The following ZZEF1 variants were observed in gnomAD, a reference collection of about 807,000 sequenced individuals.
ZZEF1 encodes zinc finger ZZ-type and EF-hand domain-containing protein 1.
In ZZEF1, 157 loss-of-function variants were observed where a neutral mutation model predicts 342.8. The ratio of observed to expected loss-of-function variants is 0.46; its 90% CI spans 0.40 to 0.52. The LOEUF is 0.52. ZZEF1 is among the 20% of genes least tolerant of loss of function. ZZEF1 has a pLI of 0.00. For synonymous variants in ZZEF1, 1,505 were observed against 1,429.1 expected (o/e 1.05, Z -1.20); for missense variants, 3,480 against 3,725.6 (o/e 0.93, Z 1.72).
chr17:4,067,246 G>C lies in ZZEF1; in HGVS notation c.4076-4C>G. Reference sequence around the variant, plus strand: ...GCTATTTTGCCCCCACTGTTGACTGGGGAGAGAAGCAGAGATGGAGATTAC... The same window carrying C: ...GCTATTTTGCCCCCACTGTTGACTGCGGAGAGAAGCAGAGATGGAGATTAC... On this transcript the variant is annotated splice_region_variant and splice_polypyrimidine_tract_variant and intron_variant, in intron 26 of 54. Coordinates refer to ENST00000381638, the MANE Select transcript of ZZEF1 (RefSeq NM_015113.4). The C allele has an allele frequency of 6.2e-7, 1 of 1,611,068 alleles. No individual in the cohort carries two copies. Among genetic ancestry groups the C allele is most frequent in the Non-Finnish European group, 8.5e-7 (1 of 1,178,682 alleles).
At chr17:4,129,030 G>C (rs1485454591) in intron 1 of ZZEF1, among the ~76,000 whole-genome samples, 2 of 152,062 alleles carry the variant, frequency 1.3e-5, no homozygotes, top group African/African-American at 4.8e-5. Flanking sequence ...GCCTCCCAAA[G>C]TGCTGGGATT....
At chr17:4,093,473 C>G (rs945716961) in intron 11 of ZZEF1, among the ~76,000 whole-genome samples, 3 of 152,144 alleles carry the variant, frequency 2.0e-5, no homozygotes, top group African/African-American at 7.2e-5. Flanking sequence ...GAGAGGCTGA[C>G]CGAACCTTTG....
rs778108979 is a variant in ZZEF1 at position 4,014,511 on chromosome 17, T to G, written c.8150A>C (p.Lys2717Thr). Residue 2717 changes from lysine to threonine, a missense_variant, in exon 50 of 55, where the codon AAA becomes ACA. Lys to Thr is a moderately conservative substitution (Grantham distance 78). This residue lies in a region of ZZEF1 where 1,269 missense variants were observed against 1,342.4 expected (regional missense o/e 0.95). Coordinates refer to ENST00000381638, the MANE Select transcript of ZZEF1 (RefSeq NM_015113.4). This position sits in a 1 kb window ranked among gnomAD's most constrained non-coding sequence, Gnocchi z 4.4. ...GTAGATGGCACCAGGAATGTGAACT[T>G]TATCCTAGGGAGGGGAAATGGAGAA... ...PYNNNTNFED[K>T]VHIPGAIYLS... is the part of the protein sequence containing the mutation. 15 of 1,613,952 alleles carry G rather than the reference T, an allele frequency of 9.3e-6. No individual in the cohort carries two copies. Among genetic ancestry groups the G allele is most frequent in the Middle Eastern group, 3.3e-4 (2 of 6,084 alleles).
intron 46 of ZZEF1, 113 bp downstream of exon 46, chr17:4,019,556 C>T (rs544579082): frequency 8.9e-5 from 83 of 932,470 alleles, no homozygotes; most frequent in Middle Eastern, 3.3e-4. Flanking sequence ...AACTGCTTCC[C>T]GGCCTGTCGG....
chr17:4,012,727 G>A (rs931128655), intron 52 of ZZEF1, among the ~76,000 whole-genome samples: 7 of 152,132 alleles, frequency 4.6e-5, no homozygotes, highest in African/African-American at 9.7e-5. Context: ...CAGATGACAC[G>A]ACTGTACACC....
chr17:4,092,285 G>C (rs993712591), intron 11 of ZZEF1, among the ~76,000 whole-genome samples: 4 of 140,286 alleles, frequency 2.9e-5, no homozygotes, highest in Middle Eastern at 3.6e-3. Flanking sequence ...CTGTAACAGA[G>C]AGAAAACATG....
chr17:4,006,986 G>C lies in ZZEF1; in HGVS notation c.8806-16C>G. ...TCTGCAGAGCCTGTAGAGGGAAAAA[G>C]AGTTGTCGCCAATGTCGGGAGCCAC... is the stretch of plus-strand genomic sequence containing the variant. On this transcript the variant is annotated splice_polypyrimidine_tract_variant and intron_variant, in intron 54 of 54. Coordinates refer to ENST00000381638, the MANE Select transcript of ZZEF1 (RefSeq NM_015113.4). 1 of 1,571,788 alleles carries C rather than the reference G, an allele frequency of 6.4e-7. No homozygotes were observed. Among genetic ancestry groups the C allele is most frequent in the Non-Finnish European group, 8.6e-7 (1 of 1,157,142 alleles).
At chr17:4,088,012 T>C (rs1419513626) in intron 13 of ZZEF1, among the ~76,000 whole-genome samples, 1 of 152,174 alleles carries the variant, frequency 6.6e-6, no homozygotes, top group Non-Finnish European at 1.5e-5. Flanking sequence ...TCTACTGTGA[T>C]AGGAGGTCTG....
chr17:4,075,462 G>A lies in ZZEF1; in HGVS notation c.3235-33C>T, dbSNP rs200823968. The A allele has an allele frequency of 5.6e-6, 9 of 1,606,896 alleles. No homozygotes were observed. In the East Asian group the frequency reaches 1.8e-4, roughly 32 times the overall value. On this transcript the variant is annotated intron_variant, in intron 21 of 54. Transcript: ENST00000381638. ...AACAAATGAGCCAGGGGAAAGAAAG[G>A]TTCTATCACTAGACACCTAGCCACA...
Position 4,101,495 on chromosome 17 carries a change from C to T in ZZEF1, c.1672+822G>A, listed in dbSNP as rs77642656. Among the ~76,000 whole-genome samples the T allele has an allele frequency of 8.8e-3, 1,334 of 152,168 alleles. 22 individuals carry two copies. Among genetic ancestry groups the T allele is most frequent in the African/African-American group, 0.031 (1,277 of 41,508 alleles). On this transcript the variant is annotated intron_variant, in intron 9 of 54. Transcript: ENST00000381638. ...TGAGAGACTCACAAACACCTTATCA[C>T]GAGATAAGGAAAGAGCCTCCAGCAA...
At chr17:4,026,408 A>G (rs1205192577) in intron 42 of ZZEF1, among the ~76,000 whole-genome samples, 1 of 152,260 alleles carries the variant, frequency 6.6e-6, no homozygotes, top group Non-Finnish European at 1.5e-5. Context: ...ATTGCTAAAA[A>G]TATAGCCAGA....
At chr17:4,122,381 CT>C (rs778829771) in intron 2 of ZZEF1, among the ~76,000 whole-genome samples, 194 of 144,928 alleles carry the variant, frequency 1.3e-3, no homozygotes, top group Middle Eastern at 3.6e-3. Context: ...CATGTCTTTT[CT>C]TTTTTTTTTT....
Position 4,053,363 on chromosome 17 carries a change from G to A in ZZEF1, c.5434+694C>T, listed in dbSNP as rs74666729. ...CCCAGGGTTTGCTATGCCCTTGATG[G>A]TGATACCATCCCCAACGTTTCCTAC... On this transcript the variant is annotated intron_variant, in intron 34 of 54. Transcript: ENST00000381638. 5.2e-3 allele frequency among the ~76,000 whole-genome samples: 785 copies of A among 152,260 alleles called. 7 individuals are homozygous for A. The highest frequency in any genetic ancestry group is 0.018 in the African/African-American group (744 of 41,534).
chr17:4,059,991 TA>T (rs1231521963), intron 30 of ZZEF1, among the ~76,000 whole-genome samples: 1 of 152,258 alleles, frequency 6.6e-6, no homozygotes, highest in Admixed American at 6.5e-5. Context: ...GTTCACTATC[TA>T]CTACTCCTGC....
Position 4,016,985 on chromosome 17 carries a change from G to A in ZZEF1, c.8001+386C>T, listed in dbSNP as rs76757669. 269 of 208,264 alleles carry A rather than the reference G, an allele frequency of 1.3e-3. 2 individuals carry two copies. Among genetic ancestry groups the A allele is most frequent in the African/African-American group, 6.0e-3 (260 of 43,432 alleles). The allele number at this position is 208,264 out of a possible 1,614,324, so 12.9% of individuals were successfully genotyped here. A position where few individuals can be genotyped will look rare whatever the true frequency, so the allele number is the denominator to read the frequency against. ...TGCAAGGCCGGGAAAAGACCTCGAG[G>A]TCTGGTGGTGTTCTCAGATGGACAA... On this transcript the variant is annotated intron_variant, in intron 48 of 54. Transcript: ENST00000381638. The surrounding 1 kb of genome is among the most constrained non-coding windows in gnomAD (Gnocchi z 4.4).
chr17:4,102,721 G>T (rs545873820), intron 8 of ZZEF1, among the ~76,000 whole-genome samples: 1 of 152,146 alleles, frequency 6.6e-6, no homozygotes, highest in South Asian at 2.1e-4. Context: ...AACACATTTG[G>T]GGGGGTGATT....
intron 9 of ZZEF1, 95 bp from the exon 10 acceptor site, chr17:4,096,795 G>A: frequency 2.1e-6 from 2 of 967,704 alleles, no homozygotes; most frequent in Non-Finnish European, 3.3e-6. Flanking sequence ...TTTGAGTCAT[G>A]GGGGGTAACT....
At position 4,034,007 on chromosome 17, in the gene ZZEF1, A is replaced by C. The variant is rs2145063026; in HGVS notation, c.6584+8T>G. 1 of 1,612,578 alleles carries C rather than the reference A, an allele frequency of 6.2e-7. No individual in the cohort carries two copies. The highest frequency in any genetic ancestry group is 2.2e-5 in the East Asian group (1 of 44,854). On this transcript the variant is annotated splice_region_variant and intron_variant, in intron 40 of 54. Transcript: ENST00000381638. ...GCAGGTGGTTAGAGGAGCGAGGACC[A>C]AGGCTACCTGTCCAGACACACAGCT...
intron 24 of ZZEF1, 130 bp from the exon 25 acceptor site, chr17:4,072,886 C>T: frequency 1.1e-6 from 1 of 921,746 alleles, no homozygotes; most frequent in South Asian, 1.9e-5. Context: ...TACCCACATA[C>T]CAGAATGTAA....
Sources: gnomAD v4.1 joint callset for allele counts (sites outside exome capture counted in the v4.1 genomes callset) on GRCh38, gnomAD v4.1.1 for gene constraint, gnomAD v4.1.1 regional missense constraint, Gnocchi (gnomAD v3.1) non-coding constraint, MANE v1.5 for transcripts, NCBI Gene and HGNC (gene_info 2026-07-23, HGNC 2026-07-21) for gene names.